ZNF804B: variants seen among roughly 807,000 people sequenced by gnomAD.
ZNF804B encodes zinc finger protein 804B.
ZNF804B carries 80 observed loss-of-function variants against 101.4 expected under a neutral mutation model. The observed-to-expected ratio is 0.79, with a 90% confidence interval of 0.66 to 0.95. ZNF804B has a LOEUF of 0.95. ZNF804B is among the 40% of genes least tolerant of loss of function. The pLI is 0.00. For synonymous variants in ZNF804B, 622 were observed against 558.8 expected, an observed-to-expected ratio of 1.11 and a Z score of -1.59; for missense variants, 1,673 against 1,561.9, an observed-to-expected ratio of 1.07 and a Z score of -1.20.
chr7:89,196,475 A>T (rs538014406), intron 1 of ZNF804B, among the ~76,000 whole-genome samples: 11 of 152,230 alleles, frequency 7.2e-5, no homozygotes, highest in Middle Eastern at 6.8e-3. Context: ...ACAAAAATTA[A>T]CTCGAGATGG....
At chr7:89,193,593 G>A (rs1363290912) in intron 1 of ZNF804B, among the ~76,000 whole-genome samples, 1 of 151,638 alleles carries the variant, frequency 6.6e-6, no homozygotes, top group Non-Finnish European at 1.5e-5. Flanking sequence ...ATAGTTTGCT[G>A]AGAATGATGG....
intron 1 of ZNF804B, among the ~76,000 whole-genome samples, chr7:89,128,252 A>G (rs890302901): frequency 1.3e-5 from 2 of 151,930 alleles, no homozygotes; most frequent in African/African-American, 2.4e-5. Context: ...GTTAAGCAAT[A>G]TTAAAATTGA....
At chr7:88,878,412 TAAC>T (rs1791982883) in intron 1 of ZNF804B, among the ~76,000 whole-genome samples, 1 of 152,146 alleles carries the variant, frequency 6.6e-6, no homozygotes, top group African/African-American at 2.4e-5. Flanking sequence ...ATATATGTCT[TAAC>T]AACTCAATTT....
At chr7:88,841,540 A>G (rs1294942580) in intron 1 of ZNF804B, among the ~76,000 whole-genome samples, 1 of 152,152 alleles carries the variant, frequency 6.6e-6, no homozygotes, top group African/African-American at 2.4e-5. Context: ...TTTTATTTGG[A>G]ACCTTCCTAG....
intron 1 of ZNF804B, among the ~76,000 whole-genome samples, chr7:88,918,239 TA>T (rs1474128783): frequency 1.3e-5 from 2 of 152,166 alleles, no homozygotes; most frequent in African/African-American, 4.8e-5. Context: ...CAAATAAGTA[TA>T]ATCCGTTGGC....
intron 1 of ZNF804B, among the ~76,000 whole-genome samples, chr7:89,049,115 A>G (rs1789157913): frequency 6.7e-6 from 1 of 150,316 alleles, no homozygotes. Context: ...ATTAACAATC[A>G]TATTATGTGA....
chr7:89,336,476 C>G lies in ZNF804B; in HGVS notation c.3494C>G (p.Ala1165Gly), dbSNP rs780779828. 6.8e-6 allele frequency: 11 copies of G among 1,613,942 alleles called. No individual in the cohort carries two copies. Among genetic ancestry groups the G allele is most frequent in the Non-Finnish European group, 9.3e-6 (11 of 1,180,018 alleles). The change falls in exon 4 of 4, where the codon GCC becomes GGC. Residue 1165 changes from alanine (A) to glycine (G), a missense_variant. Physicochemically the swap from Ala to Gly is moderately conservative, Grantham distance 60. Transcript: ENST00000333190. ...IDKYKILQLQAQQHMQKQLLS... is the reference protein window; with the variant it reads ...IDKYKILQLQGQQHMQKQLLS... ...AAATATAAGATCCTACAGCTACAAGCCCAGCAGCATATGCAGAAGCAACTC... is the reference window on the plus strand; with the variant it reads ...AAATATAAGATCCTACAGCTACAAGGCCAGCAGCATATGCAGAAGCAACTC...
At chr7:89,274,356 T>C (rs2115847617) in intron 2 of ZNF804B, among the ~76,000 whole-genome samples, 1 of 105,286 alleles carries the variant, frequency 9.5e-6, no homozygotes, top group Admixed American at 1.3e-4. Flanking sequence ...TTCCCCTTCC[T>C]GTGTCCATGC....
intron 1 of ZNF804B, among the ~76,000 whole-genome samples, chr7:88,830,695 C>G (rs1199100596): frequency 6.6e-6 from 1 of 151,906 alleles, no homozygotes. Flanking sequence ...TTGGTCTACA[C>G]TATAGCCCTT....
chr7:88,777,775 G>C (rs1417513510), intron 1 of ZNF804B, among the ~76,000 whole-genome samples: 1 of 147,698 alleles, frequency 6.8e-6, no homozygotes, highest in African/African-American at 2.5e-5. Context: ...TTGAGACCCA[G>C]AGGCAGAGGT....
intron 1 of ZNF804B, among the ~76,000 whole-genome samples, chr7:88,943,266 C>T (rs1793080231): frequency 6.6e-6 from 1 of 151,838 alleles, no homozygotes; most frequent in South Asian, 2.1e-4. Context: ...GAGCTTGTTA[C>T]ACAGCAGCAG....
rs569264182 is a variant in ZNF804B at position 89,179,231 on chromosome 7, A to G, written c.109-38924A>G. Among the ~76,000 whole-genome samples the G allele has an allele frequency of 9.3e-4, 141 of 152,240 alleles. 1 individual carries two copies. The highest frequency in any genetic ancestry group is 3.3e-3 in the African/African-American group (136 of 41,566). ...TAGGTTTGAGAAGTTCTCTGTTATT[A>G]TCTCTTTGAATAAACTTTCTACTCC... On this transcript the variant is annotated intron_variant, in intron 1 of 3. Transcript: ENST00000333190.
rs558914996 is a variant in ZNF804B, at chr7:89,070,351, A to T, written c.109-147804A>T. 6.6e-5 allele frequency among the ~76,000 whole-genome samples: 10 copies of T among 152,302 alleles called. No homozygotes were observed. The East Asian group carries it at 1.7e-3, about 27-fold the overall frequency. Reference sequence around the variant, plus strand: ...TGATCTAGGTGGCAGGGACACACTCAGAATGAGCTGGGGTGTGACACGGGG... The same window carrying T: ...TGATCTAGGTGGCAGGGACACACTCTGAATGAGCTGGGGTGTGACACGGGG... On this transcript the variant is annotated intron_variant, in intron 1 of 3. Transcript: ENST00000333190.
intron 1 of ZNF804B, among the ~76,000 whole-genome samples, chr7:89,016,218 T>A (rs1178909135): frequency 1.3e-5 from 2 of 152,198 alleles, no homozygotes; most frequent in African/African-American, 2.4e-5. Context: ...TTTGAGTTCA[T>A]TGTAGATTCT....
At chr7:88,991,878 A>C (rs1051048682) in intron 1 of ZNF804B, among the ~76,000 whole-genome samples, 5 of 152,168 alleles carry the variant, frequency 3.3e-5, no homozygotes, top group African/African-American at 1.2e-4. Context: ...AATGGCCTGA[A>C]ACATAGAGCT....
intron 2 of ZNF804B, among the ~76,000 whole-genome samples, chr7:89,274,895 T>C (rs1392714714): frequency 1.3e-5 from 2 of 151,848 alleles, no homozygotes; most frequent in Non-Finnish European, 2.9e-5. Context: ...ATTGGAAGTG[T>C]TCTTGGGCTC....
At chr7:89,311,166 T>C (rs767311749) in intron 2 of ZNF804B, among the ~76,000 whole-genome samples, 16 of 152,204 alleles carry the variant, frequency 1.1e-4, no homozygotes, top group Admixed American at 6.6e-4. Flanking sequence ...TTCTCTTAAC[T>C]CTACATTATA....
chr7:88,820,278 T>A (rs1293140492), intron 1 of ZNF804B, among the ~76,000 whole-genome samples: 7 of 152,082 alleles, frequency 4.6e-5, no homozygotes, highest in Non-Finnish European at 8.8e-5. Context: ...AAAAATACAA[T>A]AGACTTTTTT....
intron 1 of ZNF804B, among the ~76,000 whole-genome samples, chr7:89,062,338 T>C (rs1327067612): frequency 1.3e-5 from 2 of 152,018 alleles, no homozygotes; most frequent in Non-Finnish European, 2.9e-5. Context: ...AGCTGGACCT[T>C]GTTAACTCCC....
Sources: allele counts gnomAD v4.1 joint callset (sites outside exome capture counted in the v4.1 genomes callset), GRCh38; gene constraint gnomAD v4.1.1; transcripts MANE v1.5; gene names NCBI Gene and HGNC (gene_info 2026-07-23, HGNC 2026-07-21).